The following POPDC3 variants were observed in gnomAD, a reference collection of about 807,000 sequenced individuals.
The protein encoded by POPDC3 is popeye domain cAMP effector 3, also known as popeye domain-containing protein 3.
In POPDC3, 20 loss-of-function variants were observed where a neutral mutation model predicts 28.2. That is an observed-to-expected ratio of 0.71 (90% confidence interval 0.50 to 1.03). POPDC3 has a LOEUF of 1.03. POPDC3 is among the 50% of genes least tolerant of loss of function. The probability of loss-of-function intolerance (pLI) is 0.00; values close to 1 mark genes in which losing one functional copy is unlikely to be tolerated. For synonymous variants in POPDC3, 118 were observed against 124.1 expected, an observed-to-expected ratio of 0.95 and a Z score of 0.33; for missense variants, 316 against 345.9, an observed-to-expected ratio of 0.91 and a Z score of 0.69.
chr6:105,161,482 C>G lies in POPDC3; in HGVS notation c.428G>C (p.Cys143Ser). ...SEVVTLEKEH[C>S]YAMQGKTSID... ...GGAAGTTTTCCCCTGCATGGCATAA[C>G]AGTGTTCCTTTTCCAAAGTAACCAC... The change falls in exon 2 of 4, where the codon TGT (cysteine) becomes TCT (serine). Residue 143 changes from cysteine (C) to serine (S), a missense_variant. Physicochemically the swap from Cys to Ser is moderately radical, Grantham distance 112. Coordinates refer to ENST00000254765, the MANE Select transcript of POPDC3 (RefSeq NM_022361.5). 2 of 1,614,144 alleles carry G rather than the reference C, an allele frequency of 1.2e-6. No homozygotes were observed. The highest frequency in any genetic ancestry group is 1.7e-6 in the Non-Finnish European group (2 of 1,180,010).
At chr6:105,161,369 AG>A (rs766163134) in intron 2 of POPDC3, 55 bp downstream of exon 2, 248 of 1,554,414 alleles carry the variant, frequency 1.6e-4, no homozygotes, top group Non-Finnish European at 2.1e-4. Flanking sequence ...TATAGTGGAA[AG>A]AAACACAAAC....
At chr6:105,178,811 T>C (rs976508491) in intron 1 of POPDC3, 2 of 985,126 alleles carry the variant, frequency 2.0e-6, no homozygotes, top group Non-Finnish European at 2.4e-6. Flanking sequence ...CAACAGTCCG[T>C]AGAATTAAAA....
At chr6:105,161,119 C>T (rs1425558488) in intron 2 of POPDC3, among the ~76,000 whole-genome samples, 1 of 152,202 alleles carries the variant, frequency 6.6e-6, no homozygotes, top group Non-Finnish European at 1.5e-5. Context: ...TTCAAGCTGA[C>T]ATCATCCTCT....
chr6:105,165,721 A>G (rs1354344321), intron 1 of POPDC3, among the ~76,000 whole-genome samples: 1 of 152,212 alleles, frequency 6.6e-6, no homozygotes, highest in Non-Finnish European at 1.5e-5. Flanking sequence ...ACTCCTTAAG[A>G]ACAGTTTATT....
In POPDC3 at chr6:105,177,060, A is replaced by T. The variant is rs184495708; in HGVS notation, c.-252+2773T>A. On this transcript the variant is annotated intron_variant, in intron 1 of 3. Transcript: ENST00000254765. ...AAAAAAATTTTAAATATAAACATTT[A>T]AAAAAATCCATGAACCCAACAACCA... is the stretch of plus-strand genomic sequence containing the variant. 1.3e-3 allele frequency: 457 copies of T among 351,298 alleles called. 4 individuals carry two copies. Among genetic ancestry groups the T allele is most frequent in the East Asian group, 8.2e-4 (5 of 6,078 alleles). The allele number at this position is 351,298 out of a possible 1,614,324, so 21.8% of individuals were successfully genotyped here.
chr6:105,173,519 T>C (rs1774622675), intron 1 of POPDC3, among the ~76,000 whole-genome samples: 1 of 152,164 alleles, frequency 6.6e-6, no homozygotes, highest in Non-Finnish European at 1.5e-5. Flanking sequence ...AACTACTACA[T>C]GTATATTATT....
At chr6:105,174,281 C>T (rs145221361) in intron 1 of POPDC3, among the ~76,000 whole-genome samples, 2 of 152,288 alleles carry the variant, frequency 1.3e-5, no homozygotes, top group Non-Finnish European at 2.9e-5. Flanking sequence ...TCAAGTGATC[C>T]GCCCGCCTTG....
chr6:105,161,401 C>A (rs747311366), intron 2 of POPDC3, 24 bp downstream of exon 2: 6 of 1,594,308 alleles, frequency 3.8e-6, no homozygotes, highest in Middle Eastern at 1.7e-4. Flanking sequence ...TGAGGAAAGA[C>A]ATGCAAGCAC....
chr6:105,172,153 C>A lies in POPDC3; in HGVS notation c.-252+7680G>T, dbSNP rs189481210. Among the ~76,000 whole-genome samples, 164 of 128,784 alleles carry A rather than the reference C, an allele frequency of 1.3e-3. 5 individuals are homozygous for A. In the East Asian group the frequency reaches 0.031, roughly 24 times the overall value. 84.5% of individuals were successfully genotyped at this position (128,784 alleles called of 152,430 possible). On this transcript the variant is annotated intron_variant, in intron 1 of 3. Coordinates refer to ENST00000254765, the MANE Select transcript of POPDC3 (RefSeq NM_022361.5). The stretch of plus-strand genomic sequence containing the variant: ...ACTCATCTGACAAAGGGCTAATACC[C>A]AGAATCTACAATGAACTCAAAACAA...
rs1433611793 is a variant in POPDC3 at position 105,179,877 on chromosome 6, G to A, written c.-296C>T. ...CCGGAGCTTCAGCCCGGCGCCCGCA[G>A]AAGTTTCCCGGCGGAGCGCGCTTGA... On this transcript the variant is annotated 5_prime_UTR_variant, in exon 1 of 4. Coordinates refer to ENST00000254765, the MANE Select transcript of POPDC3 (RefSeq NM_022361.5). 7 of 151,992 alleles carry A rather than the reference G, an allele frequency of 4.6e-5. No individual in the cohort carries two copies. The highest frequency in any genetic ancestry group is 1.0e-4 in the Non-Finnish European group (7 of 67,994). The allele number at this position is 151,992 out of a possible 1,614,324, so 9.4% of individuals were successfully genotyped here.
chr6:105,169,602 G>A (rs1774532750), intron 1 of POPDC3: 1 of 152,144 alleles, frequency 6.6e-6, no homozygotes, highest in African/African-American at 2.4e-5. Flanking sequence ...ATACAGCCCA[G>A]AGAAACTCAA....
chr6:105,174,411 T>C (rs1774643058), intron 1 of POPDC3, among the ~76,000 whole-genome samples: 1 of 152,140 alleles, frequency 6.6e-6, no homozygotes. Context: ...GCGAAGGCTA[T>C]ATAATCCGGA....
chr6:105,163,955 A>G (rs1774404840), intron 1 of POPDC3, among the ~76,000 whole-genome samples: 1 of 152,178 alleles, frequency 6.6e-6, no homozygotes, highest in Non-Finnish European at 1.5e-5. Context: ...AACATGTTCA[A>G]TTTCTCCTCT....
chr6:105,158,515 G>A lies in POPDC3; in HGVS notation c.831C>T (p.Pro277=), dbSNP rs1774240123. 1.2e-6 allele frequency: 2 copies of A among 1,613,762 alleles called. No individual in the cohort carries two copies. Among genetic ancestry groups the A allele is most frequent in the African/African-American group, 2.7e-5 (2 of 74,880 alleles). Residue 277 remains proline (P), a synonymous_variant, in exon 4 of 4, where the codon CCC becomes CCT. Transcript: ENST00000254765. ...QMSTPEIRRS[P]LTQHFQNSRR... Reference sequence around the variant, plus strand: ...TGGAATTCTGAAAATGTTGTGTCAGGGGTGATCTGCGTATTTCTGGAGTTG... The same window carrying A: ...TGGAATTCTGAAAATGTTGTGTCAGAGGTGATCTGCGTATTTCTGGAGTTG...
At chr6:105,167,905 A>G in intron 1 of POPDC3, among the ~76,000 whole-genome samples, 1 of 152,196 alleles carries the variant, frequency 6.6e-6, no homozygotes, top group East Asian at 1.9e-4. Context: ...TGTGGCTTGC[A>G]TTATATTTCT....
At chr6:105,175,479 C>T (rs375497467) in intron 1 of POPDC3, among the ~76,000 whole-genome samples, 6 of 150,000 alleles carry the variant, frequency 4.0e-5, no homozygotes, top group East Asian at 3.9e-4. Context: ...CTGAGGTTGC[C>T]GTGAGCTGTG....
chr6:105,169,885 C>T (rs1464917701), intron 1 of POPDC3: 3 of 152,166 alleles, frequency 2.0e-5, no homozygotes, highest in Admixed American at 2.0e-4. Flanking sequence ...TCTTTACCAC[C>T]GAAATATCCT....
At chr6:105,172,244 A>C (rs1582996985) in intron 1 of POPDC3, among the ~76,000 whole-genome samples, 1 of 151,502 alleles carries the variant, frequency 6.6e-6, no homozygotes, top group East Asian at 1.9e-4. Flanking sequence ...GACACTTCTC[A>C]AAAGAAGACA....
Position 105,175,908 on chromosome 6 carries a change from G to GT in POPDC3, c.-252+3924dup, listed in dbSNP as rs1313764221. ...GAGTAGAAGTGAAACTATAGGTAATGTAAGAGTGCCCAGTGCTCCATCCTT... is the reference window on the plus strand; with the variant it reads ...GAGTAGAAGTGAAACTATAGGTAATGTTAAGAGTGCCCAGTGCTCCATCCTT... On this transcript the variant is annotated intron_variant, in intron 1 of 3. Transcript: ENST00000254765. Among the ~76,000 whole-genome samples the GT allele has an allele frequency of 4.6e-5, 7 of 152,196 alleles. No homozygotes were observed. In the East Asian group the frequency reaches 1.4e-3, roughly 29 times the overall value.
Sources: allele counts gnomAD v4.1 joint callset (sites outside exome capture counted in the v4.1 genomes callset), GRCh38; gene constraint gnomAD v4.1.1; transcripts MANE v1.5; gene names NCBI Gene and HGNC (gene_info 2026-07-23, HGNC 2026-07-21).